KCNJ6: variants seen among roughly 807,000 people sequenced by gnomAD.
The protein encoded by KCNJ6 is potassium inwardly rectifying channel subfamily J member 6, also known as G protein-activated inward rectifier potassium channel 2.
KCNJ6 carries 9 observed loss-of-function variants against 34.2 expected under a neutral mutation model. The observed-to-expected ratio is 0.26, with a 90% CI of 0.16 to 0.46. KCNJ6 has a LOEUF of 0.46. Among genes scored for constraint, KCNJ6 ranks in the 20% least tolerant of loss-of-function variants. The pLI is 1.00. For missense variants in KCNJ6, 236 were observed against 531.3 expected, an observed-to-expected ratio of 0.44 and a Z score of 5.46; for synonymous variants, 196 against 207.1, an observed-to-expected ratio of 0.95 and a Z score of 0.46.
intron 2 of KCNJ6, among the ~76,000 whole-genome samples, chr21:37,806,506 G>C (rs1182916968): frequency 6.6e-6 from 1 of 152,170 alleles, no homozygotes; most frequent in East Asian, 1.9e-4. Context: ...CCCTCCCCGG[G>C]TCTTTATGAT....
At chr21:37,737,123 A>G (rs1283221660) in intron 2 of KCNJ6, among the ~76,000 whole-genome samples, 1 of 152,096 alleles carries the variant, frequency 6.6e-6, no homozygotes, top group African/African-American at 2.4e-5. Context: ...TTTACACAGC[A>G]CAGCTTGTTT....
At chr21:37,724,724 GT>G (rs1206021827) in intron 2 of KCNJ6, among the ~76,000 whole-genome samples, 1 of 152,168 alleles carries the variant, frequency 6.6e-6, no homozygotes, top group East Asian at 1.9e-4. Flanking sequence ...AGGCAACCAG[GT>G]GTGTGGGGCT....
chr21:37,691,936 T>TA (rs1191839282), intron 3 of KCNJ6, among the ~76,000 whole-genome samples: 2 of 151,866 alleles, frequency 1.3e-5, no homozygotes, highest in African/African-American at 2.4e-5. Flanking sequence ...GCTGTATAAT[T>TA]AAAAAAAAGG....
At chr21:37,699,604 C>T (rs1359131497) in intron 3 of KCNJ6, among the ~76,000 whole-genome samples, 2 of 152,134 alleles carry the variant, frequency 1.3e-5, no homozygotes, top group East Asian at 3.9e-4. Context: ...AGCATGAAAG[C>T]CTTGGGGCAT....
At chr21:37,653,959 C>A (rs1266002079) in intron 3 of KCNJ6, among the ~76,000 whole-genome samples, 1 of 152,118 alleles carries the variant, frequency 6.6e-6, no homozygotes, top group African/African-American at 2.4e-5. Flanking sequence ...ACTCCAGGAC[C>A]CTACGGTGGC....
chr21:37,775,048 G>C (rs2055135489), intron 2 of KCNJ6, among the ~76,000 whole-genome samples: 1 of 152,178 alleles, frequency 6.6e-6, no homozygotes, highest in Non-Finnish European at 1.5e-5. Context: ...CATTCTAACT[G>C]GTGTGAGATG....
chr21:37,635,062 CTT>C (rs1400018228), intron 3 of KCNJ6, among the ~76,000 whole-genome samples: 2 of 151,744 alleles, frequency 1.3e-5, no homozygotes, highest in African/African-American at 2.4e-5. Context: ...AGCCAAATCA[CTT>C]TGTGGTTTTT....
intron 2 of KCNJ6, among the ~76,000 whole-genome samples, chr21:37,818,773 A>G (rs753390381): frequency 1.6e-4 from 24 of 152,132 alleles, no homozygotes; most frequent in Non-Finnish European, 2.8e-4. Context: ...CCTTTCCCTC[A>G]TCCTCTTCTA....
chr21:37,689,649 A>G (rs1236483435), intron 3 of KCNJ6, among the ~76,000 whole-genome samples: 2 of 152,112 alleles, frequency 1.3e-5, no homozygotes, highest in African/African-American at 2.4e-5. Context: ...AGAATTAACA[A>G]TCTATTGGTG....
intron 2 of KCNJ6, among the ~76,000 whole-genome samples, chr21:37,806,341 G>A (rs1461959306): frequency 3.9e-5 from 6 of 152,208 alleles, no homozygotes; most frequent in African/African-American, 1.4e-4. Context: ...GTCAGGCACT[G>A]TGTATGTGGT....
intron 1 of KCNJ6, among the ~76,000 whole-genome samples, chr21:37,866,966 G>A (rs2055625810): frequency 6.6e-6 from 1 of 152,194 alleles, no homozygotes; most frequent in African/African-American, 2.4e-5. Context: ...GAGAACTGAT[G>A]GCAGTGCAGT....
At chr21:37,686,485 G>T (rs28650913) in intron 3 of KCNJ6, among the ~76,000 whole-genome samples, 21,764 of 30,122 alleles carry the variant, frequency 0.72, 6,812 homozygotes, top group African/African-American at 0.78. Context: ...TTTTTTTTTT[G>T]GAGATGGAGT....
intron 2 of KCNJ6, among the ~76,000 whole-genome samples, chr21:37,779,994 T>G (rs1292614869): frequency 6.6e-6 from 1 of 152,188 alleles, no homozygotes; most frequent in African/African-American, 2.4e-5. Flanking sequence ...CAGTAGGTGG[T>G]GTCCTTGACT....
intron 1 of KCNJ6, among the ~76,000 whole-genome samples, chr21:37,903,582 G>A (rs1481404645): frequency 1.3e-5 from 2 of 152,162 alleles, no homozygotes; most frequent in Non-Finnish European, 2.9e-5. Flanking sequence ...ATGAAGCACA[G>A]ATGACTCAAT....
chr21:37,631,182 A>C (rs2054332007), intron 3 of KCNJ6, among the ~76,000 whole-genome samples: 1 of 152,196 alleles, frequency 6.6e-6, no homozygotes, highest in Non-Finnish European at 1.5e-5. Flanking sequence ...GTTCCCAGCA[A>C]GTACTTATGG....
At chr21:37,870,524 G>A (rs761238682) in intron 1 of KCNJ6, among the ~76,000 whole-genome samples, 7 of 151,674 alleles carry the variant, frequency 4.6e-5, no homozygotes, top group Non-Finnish European at 1.0e-4. Flanking sequence ...CTTGCTTTCA[G>A]CACTGTTAGA....
At chr21:37,774,493 TC>T (rs1036226187) in intron 2 of KCNJ6, among the ~76,000 whole-genome samples, 1 of 139,776 alleles carries the variant, frequency 7.2e-6, no homozygotes, top group Non-Finnish European at 1.6e-5. Context: ...ATGCTATCCC[TC>T]CCCCCCTCCC....
At position 37,783,718 on chromosome 21, in the gene KCNJ6, T is replaced by C. The variant is rs1015108698; in HGVS notation, c.25+56940A>G. On this transcript the variant is annotated intron_variant, in intron 2 of 3. Coordinates refer to ENST00000609713, the MANE Select transcript of KCNJ6 (RefSeq NM_002240.5). ...CATGAATTGAATGTTCAAATTCATA[T>C]GTTGAAGCTCTAACCTCCAGTGTGG... Among the ~76,000 whole-genome samples the C allele has an allele frequency of 2.0e-5, 3 of 152,200 alleles. No homozygotes were observed. In the East Asian group the frequency reaches 5.8e-4, roughly 29 times the overall value.
chr21:37,784,556 CAGATACCTCAACCTGGAT>C (rs1274655143), intron 2 of KCNJ6, among the ~76,000 whole-genome samples: 1 of 152,200 alleles, frequency 6.6e-6, no homozygotes, highest in African/African-American at 2.4e-5. Flanking sequence ...TCTCCCAGGA[CAGATACCTCAACCTGGAT>C]AGCATGGGGC....
Sources: gnomAD v4.1 joint callset for allele counts (sites outside exome capture counted in the v4.1 genomes callset) on GRCh38, gnomAD v4.1.1 for gene constraint, MANE v1.5 for transcripts, NCBI Gene and HGNC (gene_info 2026-07-23, HGNC 2026-07-21) for gene names.